The following SIGLECL1 variants were observed in gnomAD, a reference collection of about 807,000 sequenced individuals.
SIGLECL1 encodes SIGLEC family like 1.
Under a neutral mutation model 19.1 loss-of-function variants are expected in SIGLECL1, and 16 were observed. The observed-to-expected ratio is 0.84, with a 90% confidence interval of 0.57 to 1.27. The LOEUF is 1.27. Among genes scored for constraint, SIGLECL1 ranks in the 50% most tolerant of loss-of-function variants. The pLI, the probability that SIGLECL1 is intolerant of heterozygous loss-of-function variation, is 0.00. For missense variants in SIGLECL1, 210 were observed against 239.4 expected (o/e 0.88, Z 0.81); for synonymous variants, 89 against 90.4 (o/e 0.98, Z 0.09).
upstream of SIGLECL1, among the ~76,000 whole-genome samples, chr19:51,247,425 CT>C (rs35110842): frequency 1.3e-4 from 20 of 148,516 alleles, no homozygotes; most frequent in South Asian, 6.4e-4. Flanking sequence ...TGCCCAATTT[CT>C]TTTTTTTTTT....
At position 51,264,055 on chromosome 19, in the gene SIGLECL1, C is replaced by T. The variant is rs562329475; in HGVS notation, c.-18C>T. ...AAAGAGCTTCTGCTGTTCCTGAGAA[C>T]TGTTGCTGCTGGAAGTGATGCTTCC... On this transcript the variant is annotated 5_prime_UTR_variant, in exon 2 of 6. Coordinates refer to ENST00000601727, the MANE Select transcript of SIGLECL1 (RefSeq NM_001385465.1). 2.7e-5 allele frequency: 44 copies of T among 1,613,794 alleles called. No homozygotes were observed. In the Admixed American group the frequency reaches 6.8e-4, roughly 25 times the overall value.
upstream of SIGLECL1, among the ~76,000 whole-genome samples, chr19:51,250,025 G>T (rs1213237810): frequency 6.6e-6 from 1 of 151,920 alleles, no homozygotes; most frequent in African/African-American, 2.4e-5. Context: ...GTGTAGCAGT[G>T]AGGATTACCA....
intron 2 of SIGLECL1, 80 bp downstream of exon 2, chr19:51,264,174 T>A: frequency 6.4e-7 from 1 of 1,555,026 alleles, no homozygotes; most frequent in East Asian, 2.3e-5. Flanking sequence ...GGGCAGAGGA[T>A]GGGCTATGGA....
chr19:51,252,373 C>A (rs78561654), intron 1 of SIGLECL1, among the ~76,000 whole-genome samples: 22 of 151,534 alleles, frequency 1.5e-4, no homozygotes, highest in Non-Finnish European at 2.5e-4. Flanking sequence ...TGCTCTAAAA[C>A]TGATGGAGAG....
rs2123465353 is a variant in SIGLECL1, at chr19:51,268,899, A to C, written c.*302A>C. Reference sequence around the variant, plus strand: ...GGAAGGTGTCAAAAGAAGGAAAAATACATGTGACAATATGAATCAAGTCCA... The same window carrying C: ...GGAAGGTGTCAAAAGAAGGAAAAATCCATGTGACAATATGAATCAAGTCCA... On this transcript the variant is annotated 3_prime_UTR_variant, in exon 6 of 6. Transcript: ENST00000601727. 3.0e-6 allele frequency: 1 copy of C among 328,408 alleles called. No homozygotes were observed. Among genetic ancestry groups the C allele is most frequent in the East Asian group, 5.8e-5 (1 of 17,292 alleles). 20.3% of individuals were successfully genotyped at this position (328,408 alleles called of 1,614,324 possible).
At chr19:51,266,749 C>T (rs1983705074) in intron 4 of SIGLECL1, among the ~76,000 whole-genome samples, 1 of 152,100 alleles carries the variant, frequency 6.6e-6, no homozygotes, top group African/African-American at 2.4e-5. Context: ...TAGCTAGAAG[C>T]ATGGAGTGGG....
upstream of SIGLECL1, among the ~76,000 whole-genome samples, chr19:51,247,655 T>C (rs1982309627): frequency 6.6e-6 from 1 of 152,180 alleles, no homozygotes; most frequent in Non-Finnish European, 1.5e-5. Flanking sequence ...TGACCTCAGG[T>C]GATCCACCCG....
At chr19:51,265,328 C>G (rs755115343) in intron 2 of SIGLECL1, 40 bp from the exon 3 acceptor site, 4 of 1,558,664 alleles carry the variant, frequency 2.6e-6, no homozygotes, top group East Asian at 4.5e-5. Context: ...AAGAGGGAAG[C>G]CAGGATGCCT....
chr19:51,258,589 T>A (rs1982975333), intron 1 of SIGLECL1, among the ~76,000 whole-genome samples: 1 of 152,210 alleles, frequency 6.6e-6, no homozygotes, highest in African/African-American at 2.4e-5. Flanking sequence ...CGGATCCTGA[T>A]GCTGGCCCAA....
At chr19:51,252,252 G>A (rs944695558) in intron 1 of SIGLECL1, among the ~76,000 whole-genome samples, 12 of 151,184 alleles carry the variant, frequency 7.9e-5, no homozygotes, top group Non-Finnish European at 1.3e-4. Flanking sequence ...AGCCAAGATC[G>A]TGCCACTGCA....
At chr19:51,265,253 G>C (rs1188968840) in intron 2 of SIGLECL1, 115 bp from the exon 3 acceptor site, 1 of 1,221,510 alleles carries the variant, frequency 8.2e-7, no homozygotes, top group African/African-American at 1.5e-5. Context: ...TGGGCTTCCA[G>C]AAAGTCCTTC....
At chr19:51,247,413 G>A (rs1385076207), upstream of SIGLECL1, among the ~76,000 whole-genome samples, 2 of 142,114 alleles carry the variant, frequency 1.4e-5, no homozygotes, top group Non-Finnish European at 3.1e-5. Flanking sequence ...AAACCACTAT[G>A]TTGCCCAATT....
At chr19:51,268,499 A>G in intron 5 of SIGLECL1, 72 bp from the exon 6 acceptor site, 1 of 1,544,664 alleles carries the variant, frequency 6.5e-7, no homozygotes, top group Non-Finnish European at 9.0e-7. Flanking sequence ...TCTTTTTAAG[A>G]TTTGGATACC....
chr19:51,262,105 C>T (rs1360842377), intron 1 of SIGLECL1, among the ~76,000 whole-genome samples: 1 of 152,200 alleles, frequency 6.6e-6, no homozygotes, highest in Non-Finnish European at 1.5e-5. Flanking sequence ...ATTTGTCCTC[C>T]TTAATGGTAT....
intron 1 of SIGLECL1, chr19:51,256,090 C>G (rs547830236): frequency 6.7e-6 from 1 of 148,302 alleles, no homozygotes; most frequent in Non-Finnish European, 1.5e-5. Flanking sequence ...CACACATGCA[C>G]GCACACACAC....
chr19:51,261,619 T>A (rs181342643), intron 1 of SIGLECL1, among the ~76,000 whole-genome samples: 123 of 152,340 alleles, frequency 8.1e-4, no homozygotes, highest in African/African-American at 2.7e-3. Context: ...TTTACACTTA[T>A]GCTTTGGTTG....
Position 51,263,934 on chromosome 19 carries a change from G to A in SIGLECL1, c.-139G>A, listed in dbSNP as rs1983434439. 3 of 1,072,274 alleles carry A rather than the reference G, an allele frequency of 2.8e-6. No homozygotes were observed. The highest frequency in any genetic ancestry group is 1.6e-5 in the African/African-American group (1 of 62,686). 66.4% of individuals were successfully genotyped at this position (1,072,274 alleles called of 1,614,324 possible). A position where few individuals can be genotyped will look rare whatever the true frequency, so the allele number is the denominator to read the frequency against. ...GACAGAAGCCCCTGACTTGGCTAAA[G>A]ATACTTCTGCTCTCCCCATCCCCAC... On this transcript the variant is annotated 5_prime_UTR_variant, in exon 2 of 6. Coordinates refer to ENST00000601727, the MANE Select transcript of SIGLECL1 (RefSeq NM_001385465.1).
intron 4 of SIGLECL1, 25 bp downstream of exon 4, chr19:51,265,907 C>T: frequency 6.2e-7 from 1 of 1,610,136 alleles, no homozygotes; most frequent in Non-Finnish European, 8.5e-7. Flanking sequence ...TAATATTCAC[C>T]CGCAAGCCTA....
chr19:51,261,781 C>T (rs1206358766), intron 1 of SIGLECL1, among the ~76,000 whole-genome samples: 1 of 152,206 alleles, frequency 6.6e-6, no homozygotes, highest in Non-Finnish European at 1.5e-5. Context: ...ATGATTTCTA[C>T]TTGTCCCAAC....
Sources: gnomAD v4.1 joint callset for allele counts (sites outside exome capture counted in the v4.1 genomes callset) on GRCh38, gnomAD v4.1.1 for gene constraint, MANE v1.5 for transcripts, NCBI Gene and HGNC (gene_info 2026-07-23, HGNC 2026-07-21) for gene names.